FNTA: variants seen among roughly 807,000 people sequenced by gnomAD.
FNTA encodes protein farnesyltransferase/geranylgeranyltransferase type-1 subunit alpha.
FNTA carries 27 observed loss-of-function variants against 55.2 expected under a neutral mutation model. The observed-to-expected ratio is 0.49, with a 90% CI of 0.36 to 0.67. The LOEUF (loss-of-function observed/expected upper bound fraction) is 0.67. Ranked by LOEUF, FNTA falls within the 30% of genes least tolerant of loss-of-function variation. The pLI is 0.00. For synonymous variants in FNTA, 176 were observed against 170.7 expected, an observed-to-expected ratio of 1.03 and a Z score of -0.24; for missense variants, 422 against 464.7, an observed-to-expected ratio of 0.91 and a Z score of 0.85.
At chr8:43,075,623 C>T (rs1810892635) in intron 5 of FNTA, among the ~76,000 whole-genome samples, 2 of 152,024 alleles carry the variant, frequency 1.3e-5, no homozygotes, top group African/African-American at 4.8e-5. Context: ...CAAGACCAGC[C>T]TGGCCAACAT....
intron 3 of FNTA, among the ~76,000 whole-genome samples, chr8:43,068,818 T>G (rs547502689): frequency 6.6e-6 from 1 of 152,210 alleles, no homozygotes; most frequent in Non-Finnish European, 1.5e-5. Flanking sequence ...GTTCAAGTGA[T>G]TCTCCTGCCT....
intron 7 of FNTA, among the ~76,000 whole-genome samples, chr8:43,083,705 C>A (rs1315035064): frequency 1.3e-5 from 2 of 152,150 alleles, no homozygotes; most frequent in Non-Finnish European, 2.9e-5. Context: ...AGTATGGAAC[C>A]AGTTACCCTT....
rs1361223204 is a variant in FNTA, at chr8:43,085,329, G to A, written c.*47G>A. ...GGAATGCTTTTATTTTTTATTAAGG[G>A]ACCCTGCAGGAGTTTCACACGAGAG... On this transcript the variant is annotated 3_prime_UTR_variant, in exon 9 of 9. Transcript: ENST00000302279. The A allele has an allele frequency of 5.1e-6, 8 of 1,576,130 alleles. No homozygotes were observed. The South Asian group carries it at 9.2e-5, about 18-fold the overall frequency.
chr8:43,064,033 G>T, intron 2 of FNTA, 68 bp from the exon 3 acceptor site: 1 of 935,284 alleles, frequency 1.1e-6, no homozygotes, highest in South Asian at 1.4e-5. Flanking sequence ...TAGGTATAGT[G>T]ACATTATACA....
intron 3 of FNTA, among the ~76,000 whole-genome samples, chr8:43,064,584 G>A (rs1462158337): frequency 1.3e-5 from 2 of 152,074 alleles, no homozygotes; most frequent in African/African-American, 2.4e-5. Context: ...TAAAGTGTTT[G>A]GATTGCAGGT....
At chr8:43,076,996 C>CT (rs36093358) in intron 5 of FNTA, 5 of 367,676 alleles carry the variant, frequency 1.4e-5, no homozygotes, top group African/African-American at 8.4e-5. Flanking sequence ...TCTTGGATGT[C>CT]TTTTTTCCTG....
At chr8:43,081,901 T>C (rs1168013705) in intron 6 of FNTA, 1 of 152,168 alleles carries the variant, frequency 6.6e-6, no homozygotes, top group African/African-American at 2.4e-5. Flanking sequence ...GGTAATGCTT[T>C]AGTACACATG....
chr8:43,077,209 C>G lies in FNTA; in HGVS notation c.634-7C>G. ...AATTGGATGATTTTTCTAAATTTTTCCTTTAGGAATTTAAACTTTGGGATA... is the reference window on the plus strand; with the variant it reads ...AATTGGATGATTTTTCTAAATTTTTGCTTTAGGAATTTAAACTTTGGGATA... On this transcript the variant is annotated splice_region_variant and splice_polypyrimidine_tract_variant and intron_variant, in intron 5 of 8. Transcript: ENST00000302279. The G allele has an allele frequency of 6.4e-7, 1 of 1,552,574 alleles. No homozygotes were observed. Among genetic ancestry groups the G allele is most frequent in the Non-Finnish European group, 8.7e-7 (1 of 1,147,052 alleles).
At chr8:43,059,272 G>A in intron 2 of FNTA, 95 bp downstream of exon 2, 1 of 810,980 alleles carries the variant, frequency 1.2e-6, no homozygotes, top group South Asian at 1.8e-5. Context: ...ACAAATTTCT[G>A]TCTAATAAAA....
intron 2 of FNTA, among the ~76,000 whole-genome samples, chr8:43,060,849 A>C (rs1329734408): frequency 6.6e-6 from 1 of 152,166 alleles, no homozygotes; most frequent in African/African-American, 2.4e-5. Flanking sequence ...AGTGTGGAAG[A>C]AGGTATGTCA....
At chr8:43,082,280 A>G (rs971045215) in intron 6 of FNTA, 7 of 152,254 alleles carry the variant, frequency 4.6e-5, no homozygotes, top group African/African-American at 1.7e-4. Context: ...ACAGGGAATC[A>G]CATCACAGTT....
intron 3 of FNTA, among the ~76,000 whole-genome samples, chr8:43,066,458 ACCGTGTTAG>A (rs1377320310): frequency 6.8e-6 from 1 of 147,092 alleles, no homozygotes; most frequent in East Asian, 1.9e-4. Context: ...ATGGGGTTTC[ACCGTGTTAG>A]CCAGGATGGT....
In FNTA at chr8:43,077,243, C is replaced by T; in HGVS notation, c.661C>T (p.Gln221Ter). The change falls in exon 6 of 9, where the codon CAG becomes TAG. Residue 221 changes from glutamine (Q) to a stop codon, truncating the protein, a stop_gained. Transcript: ENST00000302279. LOFTEE classifies it high-confidence loss of function. ...ATTTAAACTTTGGGATAATGAGCTG[C>T]AGTATGTGGACCAACTTCTGAAAGA... ...QEFKLWDNEL[Q>*]YVDQLLKEDV... 1.2e-6 allele frequency: 2 copies of T among 1,608,630 alleles called. No homozygotes were observed. Among genetic ancestry groups the T allele is most frequent in the Non-Finnish European group, 1.7e-6 (2 of 1,176,578 alleles).
intron 4 of FNTA, among the ~76,000 whole-genome samples, chr8:43,071,750 A>G (rs1810798303): frequency 6.6e-6 from 1 of 152,062 alleles, no homozygotes; most frequent in South Asian, 2.1e-4. Flanking sequence ...AACTTGTCAT[A>G]GCTACTTGCC....
At chr8:43,064,342 A>T in intron 3 of FNTA, 127 bp downstream of exon 3, 1 of 596,266 alleles carries the variant, frequency 1.7e-6, no homozygotes, top group Middle Eastern at 4.6e-4. Flanking sequence ...GTGCAGTTTC[A>T]CTCTTGTTGC....
At chr8:43,061,458 G>A (rs890788411) in intron 2 of FNTA, among the ~76,000 whole-genome samples, 2 of 152,162 alleles carry the variant, frequency 1.3e-5, no homozygotes, top group African/African-American at 4.8e-5. Context: ...ACATAAAATA[G>A]TAGAATACTG....
At chr8:43,067,237 T>C (rs1177196332) in intron 3 of FNTA, among the ~76,000 whole-genome samples, 1 of 152,168 alleles carries the variant, frequency 6.6e-6, no homozygotes, top group African/African-American at 2.4e-5. Context: ...ATATAGACTT[T>C]CCACTGTTTT....
intron 1 of FNTA, 27 bp downstream of exon 1, chr8:43,056,573 C>G (rs1376363105): frequency 2.2e-6 from 3 of 1,350,556 alleles, no homozygotes; most frequent in Non-Finnish European, 2.9e-6. Context: ...GGCCGCGGCT[C>G]GGGACACTCC....
At chr8:43,074,529 G>A (rs542159735) in intron 5 of FNTA, among the ~76,000 whole-genome samples, 25 of 131,252 alleles carry the variant, frequency 1.9e-4, no homozygotes, top group Middle Eastern at 7.5e-3. Flanking sequence ...TGTCTCAAAA[G>A]AAAAAAAATT....
Sources: allele counts gnomAD v4.1 joint callset (sites outside exome capture counted in the v4.1 genomes callset), GRCh38; gene constraint gnomAD v4.1.1; transcripts MANE v1.5; gene names NCBI Gene and HGNC (gene_info 2026-07-23, HGNC 2026-07-21).